VPS39: variants seen among roughly 807,000 people sequenced by gnomAD.
VPS39 encodes vam6/Vps39-like protein.
In VPS39, 70 loss-of-function variants were observed where a neutral mutation model predicts 121.0. That is an observed-to-expected ratio of 0.58 (90% CI 0.48 to 0.71). The LOEUF is 0.71. Ranked by LOEUF, VPS39 falls within the 30% of genes least tolerant of loss-of-function variation. The probability of loss-of-function intolerance (pLI) is 0.00; values close to 1 mark genes in which losing one functional copy is unlikely to be tolerated. For synonymous variants in VPS39, 378 were observed against 398.1 expected (o/e 0.95, Z 0.60); for missense variants, 818 against 1,051.5 (o/e 0.78, Z 3.07).
At chr15:42,194,241 C>T (rs2049888281) in intron 2 of VPS39, among the ~76,000 whole-genome samples, 1 of 151,774 alleles carries the variant, frequency 6.6e-6, no homozygotes, top group Non-Finnish European at 1.5e-5. Flanking sequence ...GAGAAACCTC[C>T]CAGGTGTAGA....
At chr15:42,183,938 G>GC (rs2049642706) in intron 8 of VPS39, among the ~76,000 whole-genome samples, 1 of 150,986 alleles carries the variant, frequency 6.6e-6, no homozygotes, top group Admixed American at 6.7e-5. Flanking sequence ...ATGCTTCCAG[G>GC]CAATTCCATT....
chr15:42,177,712 G>C (rs144105727), intron 10 of VPS39, among the ~76,000 whole-genome samples: 4,041 of 151,536 alleles, frequency 0.027, 94 homozygotes, highest in South Asian at 0.037. Context: ...TGTCACCCAA[G>C]CTGGAGTGCA....
chr15:42,195,070 T>C (rs763278609), intron 2 of VPS39, among the ~76,000 whole-genome samples: 2 of 152,162 alleles, frequency 1.3e-5, no homozygotes, highest in Admixed American at 1.3e-4. Context: ...TGCTCTAGGA[T>C]GACAGCATGA....
At chr15:42,161,149 C>A in intron 24 of VPS39, 1 of 374,380 alleles carries the variant, frequency 2.7e-6, no homozygotes, top group Non-Finnish European at 4.9e-6. Flanking sequence ...CAACAATGTT[C>A]ATCAGAACAG....
chr15:42,163,605 G>A (rs958325172), intron 20 of VPS39, 21 bp downstream of exon 20: 7 of 1,600,954 alleles, frequency 4.4e-6, no homozygotes, highest in Non-Finnish European at 5.1e-6. Context: ...CTTAGGAGGT[G>A]GGATGTTGGG....
chr15:42,171,583 A>G (rs114410154), intron 11 of VPS39, among the ~76,000 whole-genome samples: 2 of 152,360 alleles, frequency 1.3e-5, no homozygotes, highest in African/African-American at 4.8e-5. Context: ...CTGTGTGTCT[A>G]TATGTAGTAA....
chr15:42,191,364 C>A, intron 3 of VPS39, 132 bp downstream of exon 3: 1 of 1,072,084 alleles, frequency 9.3e-7, no homozygotes, highest in Non-Finnish European at 1.4e-6. Flanking sequence ...GATATATGAG[C>A]AGACACTCCT....
intron 1 of VPS39, among the ~76,000 whole-genome samples, chr15:42,205,244 G>C (rs1308020332): frequency 6.6e-6 from 1 of 152,112 alleles, no homozygotes; most frequent in African/African-American, 2.4e-5. Context: ...GAGTGAGAGA[G>C]GCAATAATAA....
chr15:42,191,333 G>A (rs954460537), intron 3 of VPS39, 163 bp downstream of exon 3: 2 of 1,078,186 alleles, frequency 1.9e-6, no homozygotes, highest in African/African-American at 3.2e-5. Context: ...TTCTGCTTGT[G>A]AGAGAGGATC....
At chr15:42,185,885 G>A (rs2049690922) in intron 7 of VPS39, among the ~76,000 whole-genome samples, 1 of 152,206 alleles carries the variant, frequency 6.6e-6, no homozygotes, top group Non-Finnish European at 1.5e-5. Context: ...ATGTAAATAA[G>A]TAATTTCTGA....
chr15:42,191,033 A>T lies in VPS39; in HGVS notation c.247+92T>A. On this transcript the variant is annotated intron_variant, in intron 4 of 24. Transcript: ENST00000318006. Reference sequence around the variant, plus strand: ...GTTTGGAACACGTCAGTTCATTGTTAAGTAACCACTATCAAATTAACCATG... The same window carrying T: ...GTTTGGAACACGTCAGTTCATTGTTTAGTAACCACTATCAAATTAACCATG... 2.1e-6 allele frequency: 3 copies of T among 1,457,174 alleles called. No individual in the cohort carries two copies. The South Asian group carries it at 3.4e-5, about 17-fold the overall frequency. 90.3% of individuals were successfully genotyped at this position (1,457,174 alleles called of 1,614,324 possible). A position where few individuals can be genotyped will look rare whatever the true frequency, so the allele number is the denominator to read the frequency against.
rs2140869104 is a variant in VPS39 at position 42,184,501 on chromosome 15, C to T, written c.718+16G>A. ...CTCAACCCAAAGTGGGAAACAGCAG[C>T]TACTGTTGGTCTCACCCATGGCCAC... is the stretch of plus-strand genomic sequence containing the variant. On this transcript the variant is annotated intron_variant, in intron 8 of 24. Coordinates refer to ENST00000318006, the MANE Select transcript of VPS39 (RefSeq NM_015289.5). 1 of 1,578,586 alleles carries T rather than the reference C, an allele frequency of 6.3e-7. No individual in the cohort carries two copies. The highest frequency in any genetic ancestry group is 2.3e-5 in the East Asian group (1 of 44,014).
At chr15:42,195,039 G>C (rs1445497176) in intron 2 of VPS39, among the ~76,000 whole-genome samples, 4 of 152,028 alleles carry the variant, frequency 2.6e-5, no homozygotes, top group African/African-American at 9.7e-5. Flanking sequence ...CAGGGGTCTA[G>C]AGACCACATT....
chr15:42,163,525 C>A, intron 20 of VPS39, 101 bp downstream of exon 20: 1 of 1,524,170 alleles, frequency 6.6e-7, no homozygotes, highest in Non-Finnish European at 9.1e-7. Flanking sequence ...GCGATTCTTG[C>A]TCCCGCAGTG....
intron 2 of VPS39, among the ~76,000 whole-genome samples, chr15:42,198,311 C>T (rs2049987672): frequency 6.6e-6 from 1 of 152,112 alleles, no homozygotes; most frequent in South Asian, 2.1e-4. Context: ...AAATTATAGA[C>T]CAGGCAAATA....
intron 17 of VPS39, chr15:42,165,405 G>C: frequency 2.0e-6 from 1 of 511,980 alleles, no homozygotes; most frequent in Non-Finnish European, 3.5e-6. Context: ...TCTGCATCCT[G>C]GTACTTAAGC....
At chr15:42,174,044 G>A (rs1020110139) in intron 10 of VPS39, among the ~76,000 whole-genome samples, 192 bp from the exon 11 acceptor site, 42 of 152,076 alleles carry the variant, frequency 2.8e-4, no homozygotes, top group African/African-American at 9.7e-4. Flanking sequence ...TCAGGAGATT[G>A]AGACCATCCT....
In VPS39 at chr15:42,168,818, C is replaced by T. The variant is rs540249592; in HGVS notation, c.1233+906G>A. ...TCAGCCTCCCAAAGTGCTGGGATTACGGGCATGACCCACCACACCCGGCCA... is the reference window on the plus strand; with the variant it reads ...TCAGCCTCCCAAAGTGCTGGGATTATGGGCATGACCCACCACACCCGGCCA... On this transcript the variant is annotated intron_variant, in intron 12 of 24. Transcript: ENST00000318006. Among the ~76,000 whole-genome samples the T allele has an allele frequency of 7.9e-5, 12 of 152,270 alleles. No homozygotes were observed. The East Asian group carries it at 2.1e-3, about 27-fold the overall frequency.
intron 1 of VPS39, among the ~76,000 whole-genome samples, chr15:42,207,786 G>T (rs1340429679): frequency 6.6e-6 from 1 of 152,110 alleles, no homozygotes; most frequent in East Asian, 1.9e-4. Context: ...AATCAAAATG[G>T]GCCAAAGCTG....
Sources: allele counts gnomAD v4.1 joint callset (sites outside exome capture counted in the v4.1 genomes callset), GRCh38; gene constraint gnomAD v4.1.1; transcripts MANE v1.5; gene names NCBI Gene and HGNC (gene_info 2026-07-23, HGNC 2026-07-21).